The following MIA2 variants were observed in gnomAD, a reference collection of about 807,000 sequenced individuals.
The protein encoded by MIA2 is melanoma inhibitory activity protein 2.
A neutral mutation model predicts 167.8 loss-of-function variants in MIA2; 127 were observed. The observed-to-expected ratio is 0.76, with a 90% CI of 0.66 to 0.88. The LOEUF is 0.88. Among genes scored for constraint, MIA2 ranks in the 40% least tolerant of loss-of-function variants. MIA2 has a pLI of 0.00. For synonymous variants in MIA2, 552 were observed against 541.9 expected, an observed-to-expected ratio of 1.02 and a Z score of -0.26; for missense variants, 1,690 against 1,624.7, an observed-to-expected ratio of 1.04 and a Z score of -0.69.
intron 6 of MIA2, among the ~76,000 whole-genome samples, chr14:39,259,775 TG>T (rs1319669367): frequency 6.6e-6 from 1 of 151,166 alleles, no homozygotes; most frequent in African/African-American, 2.4e-5. Context: ...TTGTTACATG[TG>T]TATACATGTG....
chr14:39,279,996 T>TA (rs2152754586), intron 9 of MIA2, among the ~76,000 whole-genome samples: 1 of 152,282 alleles, frequency 6.6e-6, no homozygotes, highest in African/African-American at 2.4e-5. Flanking sequence ...ATTCAGTCCA[T>TA]AATAGTCTTT....
intron 23 of MIA2, among the ~76,000 whole-genome samples, chr14:39,373,214 T>C (rs571188656): frequency 3.9e-5 from 6 of 152,066 alleles, no homozygotes; most frequent in Admixed American, 3.3e-4. Context: ...TATTCCAGCA[T>C]GTCATGTCTT....
intron 25 of MIA2, among the ~76,000 whole-genome samples, 177 bp from the exon 26 acceptor site, chr14:39,345,727 G>A (rs952271377): frequency 6.6e-6 from 1 of 152,030 alleles, no homozygotes; most frequent in Non-Finnish European, 1.5e-5. Flanking sequence ...TACTATAAAG[G>A]TTATTGCCTA....
chr14:39,301,536 T>C (rs927534817), intron 14 of MIA2, among the ~76,000 whole-genome samples: 82 of 152,208 alleles, frequency 5.4e-4, no homozygotes, highest in African/African-American at 2.0e-3. Flanking sequence ...GTGAAAATTG[T>C]AGATCAGTGC....
Position 39,326,821 on chromosome 14 carries a change from T to C in MIA2, c.3497-43T>C, listed in dbSNP as rs778674688. On this transcript the variant is annotated intron_variant, in intron 24 of 28. Transcript: ENST00000640607. ...TGTGTAAAACAAGTATATAAGACTT[T>C]TTAAGATGAAACAGATTTGTATGTT... 159 of 1,530,546 alleles carry C rather than the reference T, an allele frequency of 1.0e-4. 1 individual carries two copies. Among genetic ancestry groups the C allele is most frequent in the Non-Finnish European group, 1.3e-4 (150 of 1,148,878 alleles). The allele number at this position is 1,530,546 out of a possible 1,614,324, so 94.8% of individuals were successfully genotyped here.
chr14:39,277,748 G>GTA (rs1167732482), intron 7 of MIA2, among the ~76,000 whole-genome samples: 1 of 1,848 alleles, frequency 5.4e-4, no homozygotes, highest in Non-Finnish European at 1.0e-3. Flanking sequence ...ATATATGTGT[G>GTA]TATATATATA....
At chr14:39,258,834 G>A (rs2054937822) in intron 6 of MIA2, among the ~76,000 whole-genome samples, 1 of 152,162 alleles carries the variant, frequency 6.6e-6, no homozygotes, top group African/African-American at 2.4e-5. Context: ...CTAACAGTCA[G>A]GCCCCTCTTC....
At chr14:39,257,805 C>T (rs991037733) in intron 6 of MIA2, among the ~76,000 whole-genome samples, 6 of 152,172 alleles carry the variant, frequency 3.9e-5, no homozygotes, top group African/African-American at 1.2e-4. Context: ...TCAGCATTTG[C>T]TTGTCTGTAA....
chr14:39,364,057 A>G (rs572096127), intron 23 of MIA2, among the ~76,000 whole-genome samples: 6 of 152,192 alleles, frequency 3.9e-5, no homozygotes, highest in Admixed American at 3.3e-4. Context: ...TATTTTTGGC[A>G]TTTAAAAAAT....
intron 2 of MIA2, among the ~76,000 whole-genome samples, chr14:39,238,158 A>G (rs1331769476): frequency 6.6e-6 from 1 of 151,486 alleles, no homozygotes; most frequent in Non-Finnish European, 1.5e-5. Flanking sequence ...GCTGGTAGCT[A>G]GGGAAGCTAG....
At chr14:39,243,137 A>G (rs2054131641) in intron 3 of MIA2, among the ~76,000 whole-genome samples, 1 of 150,228 alleles carries the variant, frequency 6.7e-6, no homozygotes, top group African/African-American at 2.5e-5. Context: ...AAAAAAAAAA[A>G]AGAAGACAAA....
chr14:39,277,986 T>A (rs1027070225), intron 7 of MIA2, among the ~76,000 whole-genome samples: 1 of 151,256 alleles, frequency 6.6e-6, no homozygotes, highest in Admixed American at 6.6e-5. Context: ...TGGGAAATTT[T>A]ATTTGAGACA....
chr14:39,298,445 A>AG (rs1555375778), intron 13 of MIA2, among the ~76,000 whole-genome samples: 55,027 of 101,244 alleles, frequency 0.54, 17,696 homozygotes, highest in East Asian at 0.75. Flanking sequence ...ATATATATAA[A>AG]GATTAGTTTT....
At chr14:39,235,931 TA>T (rs2053721755) in intron 1 of MIA2, among the ~76,000 whole-genome samples, 2 of 152,284 alleles carry the variant, frequency 1.3e-5, no homozygotes, top group South Asian at 4.1e-4. Flanking sequence ...TGCATGACAA[TA>T]AAAATATCTT....
intron 9 of MIA2, among the ~76,000 whole-genome samples, chr14:39,283,893 T>C (rs1386153018): frequency 6.6e-6 from 1 of 152,220 alleles, no homozygotes; most frequent in Non-Finnish European, 1.5e-5. Context: ...TCTTTTAAAA[T>C]ATTGAATATT....
intron 10 of MIA2, chr14:39,292,811 TA>T (rs2060910739): frequency 5.8e-6 from 1 of 171,574 alleles, no homozygotes; most frequent in Non-Finnish European, 1.2e-5. Context: ...TATGGAATAT[TA>T]TCATGAAGCA....
intron 25 of MIA2, among the ~76,000 whole-genome samples, chr14:39,331,557 T>C (rs865951642): frequency 6.6e-6 from 1 of 152,152 alleles, no homozygotes. Context: ...ACGTTGATGG[T>C]CTTTTACGTT....
chr14:39,266,472 C>G (rs1328068350), intron 6 of MIA2: 11 of 985,496 alleles, frequency 1.1e-5, no homozygotes, highest in Non-Finnish European at 1.3e-5. Flanking sequence ...ATTTGGGTAA[C>G]TGGCCGCTAA....
intron 15 of MIA2, among the ~76,000 whole-genome samples, chr14:39,302,824 C>T (rs1306528706): frequency 6.6e-6 from 1 of 152,082 alleles, no homozygotes; most frequent in African/African-American, 2.4e-5. Flanking sequence ...TGAAATATGG[C>T]ATCATAGGAA....
Sources: allele counts gnomAD v4.1 joint callset (sites outside exome capture counted in the v4.1 genomes callset), GRCh38; gene constraint gnomAD v4.1.1; transcripts MANE v1.5; gene names NCBI Gene and HGNC (gene_info 2026-07-23, HGNC 2026-07-21).